Variants in TRPM3 observed in about 807,000 individuals in gnomAD.
The protein encoded by TRPM3 is transient receptor potential cation channel subfamily M member 3, also known as long transient receptor potential channel 3.
TRPM3 carries 77 observed loss-of-function variants against 181.2 expected under a neutral mutation model. The observed-to-expected ratio is 0.42, with a 90% CI of 0.35 to 0.51. The LOEUF is 0.51. Among genes scored for constraint, TRPM3 ranks in the 20% least tolerant of loss-of-function variants. The probability of loss-of-function intolerance (pLI) is 0.01; values close to 1 mark genes in which losing one functional copy is unlikely to be tolerated. For missense variants in TRPM3, 1,759 were observed against 2,196.7 expected (o/e 0.80, Z 3.98); for synonymous variants, 745 against 796.4 (o/e 0.94, Z 1.09).
At chr9:71,232,539 C>T (rs553955381) in intron 1 of TRPM3, among the ~76,000 whole-genome samples, 8 of 117,998 alleles carry the variant, frequency 6.8e-5, no homozygotes, top group African/African-American at 2.0e-4. Flanking sequence ...CTTGCTCTGT[C>T]GCCGAGGCTG....
chr9:71,202,847 A>C (rs528358824), intron 1 of TRPM3, among the ~76,000 whole-genome samples: 1 of 152,230 alleles, frequency 6.6e-6, no homozygotes, highest in South Asian at 2.1e-4. Flanking sequence ...TAGAAGGATT[A>C]AATGAGAAAA....
intron 1 of TRPM3, among the ~76,000 whole-genome samples, chr9:71,380,487 G>C (rs990137912): frequency 1.3e-5 from 2 of 151,796 alleles, no homozygotes; most frequent in African/African-American, 4.8e-5. Flanking sequence ...TGACTAAGCA[G>C]AGTGGCCTTA....
intron 1 of TRPM3, among the ~76,000 whole-genome samples, chr9:71,250,699 C>T (rs1380387185): frequency 2.0e-5 from 3 of 152,006 alleles, no homozygotes; most frequent in Non-Finnish European, 4.4e-5. Flanking sequence ...TGATGTGAAA[C>T]ATGAGAAAGA....
intron 1 of TRPM3, among the ~76,000 whole-genome samples, chr9:70,961,838 T>C (rs991439910): frequency 5.3e-5 from 8 of 152,136 alleles, no homozygotes; most frequent in African/African-American, 1.9e-4. Flanking sequence ...TATTATGTAA[T>C]GCCATAAGGG....
intron 1 of TRPM3, among the ~76,000 whole-genome samples, chr9:71,358,486 G>A (rs2092002138): frequency 6.6e-6 from 1 of 152,126 alleles, no homozygotes; most frequent in African/African-American, 2.4e-5. Context: ...ATTGGTTAGG[G>A]TATAACTTCC....
chr9:71,277,452 T>C (rs1304445070), intron 1 of TRPM3, among the ~76,000 whole-genome samples: 1 of 152,230 alleles, frequency 6.6e-6, no homozygotes, highest in Non-Finnish European at 1.5e-5. Flanking sequence ...AAATAGTTTA[T>C]GATGAGTCAT....
intron 9 of TRPM3, among the ~76,000 whole-genome samples, chr9:70,662,703 T>C (rs1024671253): frequency 1.3e-5 from 2 of 152,106 alleles, no homozygotes; most frequent in Admixed American, 6.6e-5. Context: ...ACCAGCTTAC[T>C]CCTGCAAGAA....
At chr9:70,907,732 T>C (rs2096487358) in intron 1 of TRPM3, among the ~76,000 whole-genome samples, 1 of 152,162 alleles carries the variant, frequency 6.6e-6, no homozygotes, top group African/African-American at 2.4e-5. Context: ...GGATCCTCAG[T>C]GTCCACTGTT....
At chr9:71,353,854 C>T (rs1252614308) in intron 1 of TRPM3, among the ~76,000 whole-genome samples, 1 of 152,176 alleles carries the variant, frequency 6.6e-6, no homozygotes, top group Non-Finnish European at 1.5e-5. Flanking sequence ...TCCTTAACCA[C>T]AGTAGTTTCT....
intron 1 of TRPM3, among the ~76,000 whole-genome samples, chr9:70,988,355 A>C (rs1301430294): frequency 1.3e-5 from 2 of 152,202 alleles, no homozygotes; most frequent in African/African-American, 4.8e-5. Flanking sequence ...TAACCTAAGA[A>C]GCCTTCATTG....
chr9:70,809,433 A>G (rs2091423412), intron 6 of TRPM3, among the ~76,000 whole-genome samples: 1 of 152,190 alleles, frequency 6.6e-6, no homozygotes, highest in Non-Finnish European at 1.5e-5. Context: ...GTGCCCTATT[A>G]AGGTGTACTA....
rs1396999237 is a variant in TRPM3, at chr9:70,536,625, G to T, written c.4488C>A (p.Asn1496Lys). The change falls in exon 26 of 26, where the codon AAC becomes AAA. Residue 1496 changes from asparagine to lysine, a missense_variant. Transcript: ENST00000677713. ...SDYTHLPECQNPWDSEPPMYH... is the reference protein window; with the variant it reads ...SDYTHLPECQKPWDSEPPMYH... ...ACATCGGAGGCTCTGAGTCCCAGGG[G>T]TTTTGGCATTCTGGGAGGTGGGTGT... 1 of 1,613,962 alleles carries T rather than the reference G, an allele frequency of 6.2e-7. No individual in the cohort carries two copies. Among genetic ancestry groups the T allele is most frequent in the African/African-American group, 1.3e-5 (1 of 74,878 alleles).
intron 1 of TRPM3, among the ~76,000 whole-genome samples, chr9:71,275,845 C>CTTT (rs11453930): frequency 1.4e-5 from 2 of 143,376 alleles, no homozygotes; most frequent in Non-Finnish European, 1.5e-5. Context: ...AAAGAAGGAA[C>CTTT]TTTTTTTTTT....
At chr9:71,118,794 G>C (rs2072997975) in intron 1 of TRPM3, among the ~76,000 whole-genome samples, 1 of 152,008 alleles carries the variant, frequency 6.6e-6, no homozygotes, top group African/African-American at 2.4e-5. Context: ...ATGGAGGGAG[G>C]TGGAACAAGA....
intron 1 of TRPM3, among the ~76,000 whole-genome samples, chr9:71,090,698 G>T (rs1454628089): frequency 6.6e-6 from 1 of 152,108 alleles, no homozygotes; most frequent in East Asian, 1.9e-4. Context: ...TAAGTTCAAA[G>T]CTGGCTCTAG....
At chr9:70,597,853 C>G (rs1357618272) in intron 21 of TRPM3, among the ~76,000 whole-genome samples, 1 of 152,162 alleles carries the variant, frequency 6.6e-6, no homozygotes, top group Non-Finnish European at 1.5e-5. Flanking sequence ...CAAATCAGCA[C>G]AAATAAATTA....
chr9:71,410,993 G>T (rs1264245311), intron 1 of TRPM3, among the ~76,000 whole-genome samples: 1 of 152,084 alleles, frequency 6.6e-6, no homozygotes, highest in Admixed American at 6.6e-5. Context: ...CAGAACCAAA[G>T]ACAAAAACCA....
chr9:71,180,125 G>A (rs941306765), intron 1 of TRPM3, among the ~76,000 whole-genome samples: 1 of 131,938 alleles, frequency 7.6e-6, no homozygotes, highest in Non-Finnish European at 1.5e-5. Context: ...CACAATCTCA[G>A]CTCACTGCAA....
chr9:71,421,754 C>G (rs144191646), intron 1 of TRPM3, among the ~76,000 whole-genome samples: 2 of 152,068 alleles, frequency 1.3e-5, no homozygotes, highest in Non-Finnish European at 2.9e-5. Flanking sequence ...GGGACTGTGC[C>G]GAGTGCTGTT....
Sources: gnomAD v4.1 joint callset for allele counts (sites outside exome capture counted in the v4.1 genomes callset) on GRCh38, gnomAD v4.1.1 for gene constraint, MANE v1.5 for transcripts, NCBI Gene and HGNC (gene_info 2026-07-23, HGNC 2026-07-21) for gene names.